Variants in RBFOX1 observed in about 807,000 individuals in gnomAD.
The protein encoded by RBFOX1 is RNA binding protein fox-1 homolog 1.
RBFOX1 carries 8 observed loss-of-function variants against 57.7 expected under a neutral mutation model. The ratio of observed to expected loss-of-function variants is 0.14; its 90% CI spans 0.08 to 0.25. RBFOX1 has a LOEUF of 0.25. Ranked by LOEUF, RBFOX1 falls within the 10% of genes least tolerant of loss-of-function variation. The pLI is 1.00. For missense variants in RBFOX1, 611 were observed against 548.5 expected, an observed-to-expected ratio of 1.11 and a Z score of -1.14; for synonymous variants, 326 against 222.4, an observed-to-expected ratio of 1.47 and a Z score of -4.15.
chr16:5,786,525 G>A (rs1016597725), intron 3 of RBFOX1, among the ~76,000 whole-genome samples: 4 of 152,222 alleles, frequency 2.6e-5, no homozygotes, highest in South Asian at 2.1e-4. Flanking sequence ...TTTCTGCCTC[G>A]AGAGGGTTCT....
At chr16:5,431,762 G>T (rs1169090131) in intron 1 of RBFOX1, among the ~76,000 whole-genome samples, 1 of 152,144 alleles carries the variant, frequency 6.6e-6, no homozygotes, top group Non-Finnish European at 1.5e-5. Context: ...TGCTTTTTGT[G>T]TGGGTCTGTC....
intron 1 of RBFOX1, among the ~76,000 whole-genome samples, chr16:6,141,845 G>C (rs568913972): frequency 6.6e-6 from 1 of 152,088 alleles, no homozygotes; most frequent in African/African-American, 2.4e-5. Flanking sequence ...TAACACTTGA[G>C]GTCAGGAGTT....
At chr16:7,350,222 C>G (rs1279533254) in intron 4 of RBFOX1, among the ~76,000 whole-genome samples, 1 of 152,032 alleles carries the variant, frequency 6.6e-6, no homozygotes, top group Non-Finnish European at 1.5e-5. Flanking sequence ...GGAATTAGAG[C>G]TCAGATCTGA....
At chr16:7,482,824 C>G (rs1460917644) in intron 4 of RBFOX1, among the ~76,000 whole-genome samples, 2 of 152,138 alleles carry the variant, frequency 1.3e-5, no homozygotes, top group East Asian at 1.9e-4. Flanking sequence ...TCGGGATGTT[C>G]TGTCCCCAAA....
chr16:6,718,480 G>A (rs2065277941), intron 3 of RBFOX1, among the ~76,000 whole-genome samples: 2 of 151,448 alleles, frequency 1.3e-5, no homozygotes, highest in South Asian at 2.1e-4. Context: ...GTTCACGGTT[G>A]GACAGAGTCT....
chr16:5,743,637 C>T (rs985551154), intron 3 of RBFOX1, among the ~76,000 whole-genome samples: 1 of 152,168 alleles, frequency 6.6e-6, no homozygotes, highest in Non-Finnish European at 1.5e-5. Context: ...ATTAAAAAAT[C>T]ACACATGATT....
intron 2 of RBFOX1, among the ~76,000 whole-genome samples, chr16:5,531,877 C>G (rs2044492354): frequency 6.6e-6 from 1 of 150,638 alleles, no homozygotes; most frequent in Non-Finnish European, 1.5e-5. Flanking sequence ...TTACAGCTCA[C>G]TGCAACCTCT....
At chr16:7,149,334 C>T (rs1283502368) in intron 4 of RBFOX1, among the ~76,000 whole-genome samples, 1 of 152,028 alleles carries the variant, frequency 6.6e-6, no homozygotes, top group Admixed American at 6.6e-5. Context: ...AGAGTCAAGT[C>T]TCTTGGTTTT....
intron 1 of RBFOX1, among the ~76,000 whole-genome samples, chr16:5,259,854 G>T (rs1356367663): frequency 1.3e-5 from 2 of 152,100 alleles, no homozygotes; most frequent in Non-Finnish European, 2.9e-5. Context: ...TTAACACCAC[G>T]TGGGGGCCAT....
At chr16:6,501,582 T>C (rs1426975656) in intron 2 of RBFOX1, among the ~76,000 whole-genome samples, 2 of 152,078 alleles carry the variant, frequency 1.3e-5, no homozygotes, top group African/African-American at 4.8e-5. Context: ...CTATTGTGAA[T>C]AGTGCCACAA....
chr16:6,556,751 C>G (rs1210455855), intron 2 of RBFOX1, among the ~76,000 whole-genome samples: 3 of 151,980 alleles, frequency 2.0e-5, no homozygotes, highest in Non-Finnish European at 4.4e-5. Context: ...GAAAAAGTGG[C>G]AGAAAATAAA....
chr16:5,842,170 A>G (rs1428032594), intron 3 of RBFOX1, among the ~76,000 whole-genome samples: 2 of 152,144 alleles, frequency 1.3e-5, no homozygotes, highest in East Asian at 3.9e-4. Context: ...TGTTAGAGGG[A>G]ACAGTGTTTA....
intron 3 of RBFOX1, among the ~76,000 whole-genome samples, chr16:5,786,862 A>G (rs1018276115): frequency 2.0e-5 from 3 of 152,196 alleles, no homozygotes; most frequent in Admixed American, 6.5e-5. Context: ...GAAGCCGGGC[A>G]TGGCAGCTTG....
intron 3 of RBFOX1, among the ~76,000 whole-genome samples, chr16:6,965,939 A>G (rs74008499): frequency 0.022 from 3,328 of 152,190 alleles, 122 homozygotes; most frequent in African/African-American, 0.076. Context: ...GCATCGGGGG[A>G]TCCAGTGCCA....
rs138923277 is a variant in RBFOX1 at position 5,999,378 on chromosome 16, G to A, written c.351+132043G>A. Among the ~76,000 whole-genome samples the A allele has an allele frequency of 3.1e-4, 47 of 152,266 alleles. 1 individual carries two copies. In the East Asian group the frequency reaches 8.9e-3, roughly 29 times the overall value. On this transcript the variant is annotated intron_variant, in intron 4 of 19. Transcript: ENST00000641259. ...ATCCTTCCTTAAGTCTTCAGACCGG[G>A]TCAAACTCTTCCCCCATTGAAACCT...
intron 3 of RBFOX1, among the ~76,000 whole-genome samples, chr16:6,886,747 T>C (rs1435682542): frequency 7.8e-6 from 1 of 128,760 alleles, no homozygotes; most frequent in Non-Finnish European, 1.7e-5. Context: ...CAAGTGAGAC[T>C]CTATCTGAAA....
Position 7,091,268 on chromosome 16 carries a change from C to CTT in RBFOX1, c.27+39180_27+39181dup, listed in dbSNP as rs201284676. 2.2e-3 allele frequency among the ~76,000 whole-genome samples: 323 copies of CTT among 146,732 alleles called. 1 individual carries two copies. The highest frequency in any genetic ancestry group is 7.4e-3 in the African/African-American group (299 of 40,340). On this transcript the variant is annotated intron_variant, in intron 4 of 15. Coordinates refer to ENST00000550418, the MANE Select transcript of RBFOX1 (RefSeq NM_018723.4). ...ACTGCAATTTTTAATTTTAACTTTA[C>CTT]TTTTTTTTTTTGTTACAAATTTGGT...
intron 1 of RBFOX1, among the ~76,000 whole-genome samples, chr16:6,154,090 G>A (rs1323638241): frequency 1.3e-5 from 2 of 152,196 alleles, no homozygotes. Flanking sequence ...GATTCACACA[G>A]GAAGGGTTTT....
At chr16:5,600,172 G>A (rs1208017268), downstream of RBFOX1, 4 of 151,288 alleles carry the variant, frequency 2.6e-5, no homozygotes, top group African/African-American at 9.7e-5. Flanking sequence ...ATGTTGTCAG[G>A]TGCCTGTAGT....
Sources: allele counts gnomAD v4.1 joint callset (sites outside exome capture counted in the v4.1 genomes callset), GRCh38; gene constraint gnomAD v4.1.1; transcripts MANE v1.5; gene names NCBI Gene and HGNC (gene_info 2026-07-23, HGNC 2026-07-21).